LIMCH1: variants seen among roughly 807,000 people sequenced by gnomAD.
LIMCH1 encodes LIM and calponin homology domains 1, also known as LIM and calponin homology domains-containing protein 1.
A neutral mutation model predicts 176.5 loss-of-function variants in LIMCH1; 113 were observed. The ratio of observed to expected loss-of-function variants is 0.64; its 90% CI spans 0.55 to 0.75. The LOEUF is 0.75. Ranked by LOEUF, LIMCH1 falls within the 30% of genes least tolerant of loss-of-function variation. LIMCH1 has a pLI of 0.00. For missense variants in LIMCH1, 1,674 were observed against 1,814.9 expected, an observed-to-expected ratio of 0.92 and a Z score of 1.41; for synonymous variants, 619 against 645.9, an observed-to-expected ratio of 0.96 and a Z score of 0.63.
upstream of LIMCH1, among the ~76,000 whole-genome samples, chr4:41,536,045 A>C (rs2077905720): frequency 6.6e-6 from 1 of 152,224 alleles, no homozygotes. Context: ...CTTCAATTAC[A>C]AACTGTGAGC....
intron 23 of LIMCH1, among the ~76,000 whole-genome samples, chr4:41,678,391 G>A (rs1248591755): frequency 6.6e-6 from 1 of 152,124 alleles, no homozygotes; most frequent in Non-Finnish European, 1.5e-5. Flanking sequence ...ATACCAAACT[G>A]TTAGTAGGAA....
At chr4:41,387,548 A>C (rs2056663174) in intron 1 of LIMCH1, among the ~76,000 whole-genome samples, 1 of 152,258 alleles carries the variant, frequency 6.6e-6, no homozygotes, top group African/African-American at 2.4e-5. Context: ...CAGGCAGAAC[A>C]ATGAGCCTCC....
chr4:41,541,714 C>G (rs1561683701), intron 1 of LIMCH1, among the ~76,000 whole-genome samples: 1 of 152,212 alleles, frequency 6.6e-6, no homozygotes, highest in Admixed American at 6.5e-5. Flanking sequence ...GTCATTTCTT[C>G]CACAGCAGCC....
rs770296221 is a variant in LIMCH1, at chr4:41,598,928, T to G, written c.-232T>G. ...TCTTTTTTTCCTTCTAGGACAATAT[T>G]ATCTTATTCTTGAGAGGTTGTAAAG... On this transcript the variant is annotated 5_prime_UTR_variant, in exon 2 of 32. It adds an upstream start codon to the 5' untranslated region. Coordinates refer to ENST00000503057, the MANE Select transcript of LIMCH1 (RefSeq NM_001330672.2). 2.5e-6 allele frequency: 4 copies of G among 1,599,154 alleles called. No individual in the cohort carries two copies. Among genetic ancestry groups the G allele is most frequent in the Non-Finnish European group, 3.4e-6 (4 of 1,166,990 alleles).
chr4:41,381,158 ATATCT>A (rs1182252929), intron 1 of LIMCH1, among the ~76,000 whole-genome samples: 1 of 152,218 alleles, frequency 6.6e-6, no homozygotes, highest in East Asian at 1.9e-4. Context: ...TCTTAAACTA[ATATCT>A]TAATATAGAT....
chr4:41,415,001 A>G (rs2059803778), intron 1 of LIMCH1, among the ~76,000 whole-genome samples: 1 of 152,072 alleles, frequency 6.6e-6, no homozygotes. Context: ...CCCCTCCTCC[A>G]TATATACTAC....
chr4:41,621,077 A>G (rs933525359), intron 7 of LIMCH1, among the ~76,000 whole-genome samples: 1 of 152,222 alleles, frequency 6.6e-6, no homozygotes, highest in Non-Finnish European at 1.5e-5. Flanking sequence ...TCACTAGAAA[A>G]ATAGTCTGTT....
chr4:41,657,281 A>G (rs2094490767), intron 18 of LIMCH1, among the ~76,000 whole-genome samples: 1 of 152,256 alleles, frequency 6.6e-6, no homozygotes, highest in South Asian at 2.1e-4. Flanking sequence ...AAAGAAAAAT[A>G]CAGGTCAGAA....
At chr4:41,552,935 TA>T (rs2080697855) in intron 1 of LIMCH1, among the ~76,000 whole-genome samples, 1 of 152,170 alleles carries the variant, frequency 6.6e-6, no homozygotes, top group South Asian at 2.1e-4. Flanking sequence ...GTGAGCTGTT[TA>T]AAAAAATAAA....
chr4:41,627,434 A>G (rs1361354677), intron 8 of LIMCH1, among the ~76,000 whole-genome samples: 1 of 152,208 alleles, frequency 6.6e-6, no homozygotes, highest in Admixed American at 6.5e-5. Flanking sequence ...GAAAAACGCT[A>G]AAAGCACTTC....
intron 28 of LIMCH1, among the ~76,000 whole-genome samples, chr4:41,686,288 A>G (rs1414388643): frequency 2.0e-5 from 3 of 152,220 alleles, no homozygotes; most frequent in African/African-American, 4.8e-5. Context: ...AACCATTTCA[A>G]TATAATAGGC....
chr4:41,442,587 T>C (rs891841558), intron 1 of LIMCH1, among the ~76,000 whole-genome samples: 3 of 152,232 alleles, frequency 2.0e-5, no homozygotes, highest in Non-Finnish European at 4.4e-5. Context: ...TGGGTTACCA[T>C]TGTGGGTTGA....
In LIMCH1 at chr4:41,411,213, A is replaced by G. The variant is rs529533230; in HGVS notation, c.96+50277A>G. Among the ~76,000 whole-genome samples, 3 of 152,336 alleles carry G rather than the reference A, an allele frequency of 2.0e-5. No homozygotes were observed. The East Asian group carries it at 5.8e-4, about 29-fold the overall frequency. ...GCTCCAGAGCCTGTGTTCTTAAGTT[A>G]CTAAGTTTTATATTTGGGATAATAG... On this transcript the variant is annotated intron_variant, in intron 1 of 26. Coordinates refer to the LIMCH1 transcript ENST00000313860.
At chr4:41,360,580 G>A, upstream of LIMCH1, 1 of 237,128 alleles carries the variant, frequency 4.2e-6, no homozygotes, top group Admixed American at 5.7e-5. This position sits in a 1 kb window ranked among gnomAD's most constrained non-coding sequence, Gnocchi z 4.5. Flanking sequence ...CTCGAAGGTG[G>A]GGAGGAGAAG....
chr4:41,473,317 G>A, intron 1 of LIMCH1: 1 of 369,208 alleles, frequency 2.7e-6, no homozygotes, highest in Non-Finnish European at 3.7e-6. Context: ...TTGCATAATG[G>A]ATGAGGCTGA....
At chr4:41,501,681 T>C (rs2073295296) in intron 2 of LIMCH1, among the ~76,000 whole-genome samples, 1 of 152,086 alleles carries the variant, frequency 6.6e-6, no homozygotes, top group Admixed American at 6.5e-5. Context: ...TGAAAGTAAC[T>C]GGAAAATACC....
chr4:41,691,455 T>C (rs1725570072), intron 30 of LIMCH1, among the ~76,000 whole-genome samples: 1 of 152,004 alleles, frequency 6.6e-6, no homozygotes, highest in Non-Finnish European at 1.5e-5. Context: ...AAATATAAAA[T>C]GGAACAGCAG....
intron 4 of LIMCH1, among the ~76,000 whole-genome samples, chr4:41,610,962 C>A (rs773607440): frequency 6.6e-6 from 1 of 152,128 alleles, no homozygotes; most frequent in African/African-American, 2.4e-5. Flanking sequence ...TGAGCAAAGA[C>A]GTAACTCTGA....
intron 4 of LIMCH1, among the ~76,000 whole-genome samples, chr4:41,611,732 T>C (rs899804571): frequency 1.3e-5 from 2 of 152,194 alleles, no homozygotes; most frequent in Admixed American, 6.5e-5. Context: ...AAACATCAAG[T>C]GTAGCTGCAG....
Sources: gnomAD v4.1 joint callset for allele counts (sites outside exome capture counted in the v4.1 genomes callset) on GRCh38, gnomAD v4.1.1 for gene constraint, Gnocchi (gnomAD v3.1) non-coding constraint, MANE v1.5 for transcripts, NCBI Gene and HGNC (gene_info 2026-07-23, HGNC 2026-07-21) for gene names.